NEK1: variants seen among roughly 807,000 people sequenced by gnomAD.
NEK1 encodes the protein NIMA related kinase 1.
In NEK1, 137 loss-of-function variants were observed where a neutral mutation model predicts 182.1. The ratio of observed to expected loss-of-function variants is 0.75; its 90% CI spans 0.65 to 0.87. The LOEUF (loss-of-function observed/expected upper bound fraction) is 0.87, where lower values mean the gene tolerates loss of function less well. NEK1 is among the 40% of genes least tolerant of loss of function. The pLI, the probability that NEK1 is intolerant of heterozygous loss-of-function variation, is 0.00. For synonymous variants in NEK1, 513 were observed against 492.2 expected, an observed-to-expected ratio of 1.04 and a Z score of -0.56; for missense variants, 1,391 against 1,494.4, an observed-to-expected ratio of 0.93 and a Z score of 1.14.
At chr4:169,408,796 A>G (rs1271474158) in intron 31 of NEK1, among the ~76,000 whole-genome samples, 1 of 152,186 alleles carries the variant, frequency 6.6e-6, no homozygotes, top group Admixed American at 6.5e-5. Flanking sequence ...TGCAAAAGAC[A>G]TTATTTCATT....
chr4:169,585,909 C>A (rs1048600808), intron 9 of NEK1, among the ~76,000 whole-genome samples: 3 of 152,028 alleles, frequency 2.0e-5, no homozygotes, highest in Admixed American at 2.0e-4. Context: ...TCATTTAAGA[C>A]CTGACTTTTA....
In NEK1 at chr4:169,561,627, T is replaced by C. The variant is rs1431956631; in HGVS notation, c.1191+60A>G. The C allele has an allele frequency of 3.8e-6, 6 of 1,587,500 alleles. No individual in the cohort carries two copies. In the East Asian group the frequency reaches 1.3e-4, roughly 36 times the overall value. ...AAAATACACGTAATACATTTAGCAA[T>C]AAACTGAAAATCAGTGTATTCCTTA... On this transcript the variant is annotated intron_variant, in intron 15 of 35. Transcript: ENST00000507142.
intron 26 of NEK1, 53 bp from the exon 27 acceptor site, chr4:169,463,448 G>T: frequency 7.6e-7 from 1 of 1,315,562 alleles, no homozygotes; most frequent in Non-Finnish European, 1.0e-6. Context: ...TAATAATACT[G>T]CATGGTAAGG....
At chr4:169,452,998 A>G (rs550260065) in intron 27 of NEK1, among the ~76,000 whole-genome samples, 2 of 152,338 alleles carry the variant, frequency 1.3e-5, no homozygotes, top group South Asian at 2.1e-4. Context: ...AAAAATCACA[A>G]GCATTCCTAT....
chr4:169,496,999 C>G (rs538852258), intron 23 of NEK1, among the ~76,000 whole-genome samples: 1 of 152,194 alleles, frequency 6.6e-6, no homozygotes, highest in East Asian at 1.9e-4. Flanking sequence ...CTCCTTGTAC[C>G]TCTGGTAGAA....
chr4:169,508,366 A>G, intron 20 of NEK1, 35 bp from the exon 21 acceptor site: 1 of 1,489,308 alleles, frequency 6.7e-7, no homozygotes, highest in African/African-American at 1.4e-5. Flanking sequence ...ATAATAATGT[A>G]AAAGCAAAGC....
intron 18 of NEK1, 118 bp from the exon 19 acceptor site, chr4:169,538,029 T>C (rs1037043256): frequency 6.4e-6 from 4 of 629,188 alleles, no homozygotes; most frequent in Non-Finnish European, 1.1e-5. Context: ...GATGAAACAC[T>C]ATCTCTGTAA....
chr4:169,460,891 TG>T (rs1032340719), intron 27 of NEK1, among the ~76,000 whole-genome samples: 2 of 152,056 alleles, frequency 1.3e-5, no homozygotes, highest in African/African-American at 4.8e-5. Flanking sequence ...GTTATGAAAA[TG>T]GAAAATCTAT....
At chr4:169,461,030 T>G (rs896705125) in intron 27 of NEK1, among the ~76,000 whole-genome samples, 1 of 152,200 alleles carries the variant, frequency 6.6e-6, no homozygotes, top group East Asian at 1.9e-4. Flanking sequence ...AAGGATCTTT[T>G]ATGTTTCTCA....
intron 12 of NEK1, among the ~76,000 whole-genome samples, chr4:169,568,984 A>G (rs1457566482): frequency 6.6e-6 from 1 of 152,058 alleles, no homozygotes; most frequent in Non-Finnish European, 1.5e-5. Flanking sequence ...AAGGTCCACA[A>G]CAAAATTTAG....
intron 24 of NEK1, 122 bp from the exon 25 acceptor site, chr4:169,477,619 C>A: frequency 2.9e-6 from 2 of 685,040 alleles, no homozygotes; most frequent in Non-Finnish European, 4.8e-6. Flanking sequence ...ATTTTTTATT[C>A]CTATAAAATG....
intron 35 of NEK1, among the ~76,000 whole-genome samples, chr4:169,399,879 C>G (rs1225548680): frequency 6.6e-6 from 1 of 152,112 alleles, no homozygotes; most frequent in Non-Finnish European, 1.5e-5. Flanking sequence ...CCCACTTAAG[C>G]CTCCCAAGTA....
Position 169,447,428 on chromosome 4 carries a change from A to G in NEK1, c.2588-9169T>C, listed in dbSNP as rs144165214. Among the ~76,000 whole-genome samples the G allele has an allele frequency of 7.2e-4, 109 of 152,328 alleles. 1 individual carries two copies. In the East Asian group the frequency reaches 0.016, roughly 22 times the overall value. ...ATGCTAAAAGGAGTTCTTTAATATG[A>G]AAGAATAGGACAATAATGAGTAATA... is the stretch of plus-strand genomic sequence containing the variant. On this transcript the variant is annotated intron_variant, in intron 27 of 35. Transcript: ENST00000507142.
chr4:169,545,236 G>A (rs1253125964), intron 18 of NEK1, among the ~76,000 whole-genome samples: 3 of 132,344 alleles, frequency 2.3e-5, no homozygotes, highest in Non-Finnish European at 4.7e-5. Context: ...CCAGAGTGTG[G>A]TATTCCCCTT....
At chr4:169,396,459 C>A (rs1357737711) in intron 35 of NEK1, among the ~76,000 whole-genome samples, 1 of 150,762 alleles carries the variant, frequency 6.6e-6, no homozygotes, top group African/African-American at 2.4e-5. Context: ...GTAGCCTCTG[C>A]CAGGTTGCCA....
chr4:169,587,882 T>C (rs774084205), intron 8 of NEK1, among the ~76,000 whole-genome samples: 13 of 152,202 alleles, frequency 8.5e-5, no homozygotes, highest in Non-Finnish European at 1.6e-4. Context: ...GTAAATTCTA[T>C]TTTTATTTCA....
chr4:169,484,728 G>C (rs1185488759), intron 23 of NEK1, among the ~76,000 whole-genome samples: 1 of 152,188 alleles, frequency 6.6e-6, no homozygotes, highest in East Asian at 1.9e-4. Context: ...ATAAAACACA[G>C]ATAAAGTAGG....
chr4:169,440,970 A>G (rs936379985), intron 27 of NEK1, among the ~76,000 whole-genome samples: 1 of 152,168 alleles, frequency 6.6e-6, no homozygotes, highest in Non-Finnish European at 1.5e-5. Context: ...CAGGCCCTGA[A>G]TCTCCACACC....
chr4:169,441,133 G>A (rs914980729), intron 27 of NEK1, among the ~76,000 whole-genome samples: 5 of 152,174 alleles, frequency 3.3e-5, no homozygotes, highest in East Asian at 3.9e-4. Context: ...CATTAGGAAG[G>A]CTGCCCCTGG....
Sources: allele counts gnomAD v4.1 joint callset (sites outside exome capture counted in the v4.1 genomes callset), GRCh38; gene constraint gnomAD v4.1.1; transcripts MANE v1.5; gene names NCBI Gene and HGNC (gene_info 2026-07-23, HGNC 2026-07-21).